The following DAB1 variants were observed in gnomAD, a reference collection of about 807,000 sequenced individuals.
DAB1 encodes DAB adaptor protein 1, also known as disabled homolog 1.
DAB1 carries 15 observed loss-of-function variants against 64.6 expected under a neutral mutation model. That is an observed-to-expected ratio of 0.23 (90% CI 0.16 to 0.36). DAB1 has a LOEUF of 0.36. DAB1 is among the 10% of genes least tolerant of loss of function. The pLI is 1.00. For missense variants in DAB1, 596 were observed against 706.7 expected (o/e 0.84, Z 1.78); for synonymous variants, 235 against 251.9 (o/e 0.93, Z 0.64).
chr1:57,441,552 C>T (rs1196891959), intron 7 of DAB1, among the ~76,000 whole-genome samples: 1 of 151,918 alleles, frequency 6.6e-6, no homozygotes, highest in African/African-American at 2.4e-5. Context: ...CGGGGCTTTT[C>T]CATGTTGTCC....
At chr1:57,251,184 C>T (rs537528397) in intron 2 of DAB1, among the ~76,000 whole-genome samples, 7 of 152,240 alleles carry the variant, frequency 4.6e-5, no homozygotes, top group Non-Finnish European at 1.0e-4. Context: ...TGTGAATGAC[C>T]GTCCTTGAAT....
Position 58,260,209 on chromosome 1 carries a change from C to T in DAB1, n.309+83143G>A, listed in dbSNP as rs563335627. 4.2e-4 allele frequency among the ~76,000 whole-genome samples: 64 copies of T among 152,228 alleles called. 2 individuals carry two copies. The South Asian group carries it at 0.013, about 30-fold the overall frequency. ...ACTAATCATTGTTGGGCTCGTATGT[C>T]CCCCCACCAGAAGGTGGTTTCAGAG... On this transcript the variant is annotated intron_variant and non_coding_transcript_variant, in intron 4 of 20. Coordinates refer to the DAB1 transcript ENST00000485760.
At chr1:57,770,247 G>C (rs533431374) in intron 6 of DAB1, among the ~76,000 whole-genome samples, 20 of 152,142 alleles carry the variant, frequency 1.3e-4, no homozygotes, top group African/African-American at 4.8e-4. Context: ...GATTAAATGA[G>C]ATAATAATAA....
At chr1:58,080,064 G>A (rs1649903011) in intron 5 of DAB1, 1 of 152,146 alleles carries the variant, frequency 6.6e-6, no homozygotes, top group Non-Finnish European at 1.5e-5. Flanking sequence ...ATGTAAATGT[G>A]GCTTAGCCAA....
chr1:57,637,631 G>C (rs1646073185), intron 7 of DAB1, among the ~76,000 whole-genome samples: 1 of 152,172 alleles, frequency 6.6e-6, no homozygotes, highest in Non-Finnish European at 1.5e-5. Context: ...ACTTAGACAA[G>C]GGCCAGGGTA....
intron 4 of DAB1, among the ~76,000 whole-genome samples, chr1:58,319,154 A>G (rs1359587548): frequency 6.6e-6 from 1 of 152,164 alleles, no homozygotes; most frequent in Non-Finnish European, 1.5e-5. Context: ...GGGCAGGGAA[A>G]GAAATGGCAC....
chr1:57,149,641 A>C (rs1454207926), intron 2 of DAB1, among the ~76,000 whole-genome samples: 1 of 152,114 alleles, frequency 6.6e-6, no homozygotes, highest in African/African-American at 2.4e-5. Context: ...TCTTTGGAGA[A>C]ATATCTATTC....
intron 4 of DAB1, among the ~76,000 whole-genome samples, chr1:57,116,952 T>C (rs1288607345): frequency 1.3e-5 from 2 of 152,172 alleles, no homozygotes; most frequent in Non-Finnish European, 2.9e-5. Flanking sequence ...AGATCTTAGT[T>C]ACTTCATCCC....
intron 7 of DAB1, among the ~76,000 whole-genome samples, chr1:57,621,777 C>T (rs1429159792): frequency 6.6e-6 from 1 of 152,206 alleles, no homozygotes; most frequent in Non-Finnish European, 1.5e-5. Flanking sequence ...ATGCTTCCCT[C>T]ATTTGTATGG....
intron 7 of DAB1, among the ~76,000 whole-genome samples, chr1:57,464,364 C>T (rs936301986): frequency 6.6e-6 from 1 of 152,164 alleles, no homozygotes; most frequent in Non-Finnish European, 1.5e-5. Context: ...TAACTCCCAC[C>T]TATCCATCCA....
At chr1:57,823,300 G>T (rs77225797), downstream of DAB1, among the ~76,000 whole-genome samples, 3,759 of 151,904 alleles carry the variant, frequency 0.025, 82 homozygotes, top group Non-Finnish European at 0.039. Context: ...TTTTTAAAAA[G>T]AAAAGAAAAG....
intron 9 of DAB1, among the ~76,000 whole-genome samples, chr1:57,059,537 C>T (rs1650169307): frequency 6.6e-6 from 1 of 151,954 alleles, no homozygotes; most frequent in African/African-American, 2.4e-5. Context: ...CAGTGAGAGG[C>T]AAGGATTTTC....
At chr1:58,256,869 T>C (rs1055592935) in intron 4 of DAB1, among the ~76,000 whole-genome samples, 2 of 152,236 alleles carry the variant, frequency 1.3e-5, no homozygotes, top group Non-Finnish European at 2.9e-5. Flanking sequence ...CTCCCCCACC[T>C]TTCTGAACTC....
chr1:57,122,236 G>A (rs1026102455), intron 4 of DAB1, among the ~76,000 whole-genome samples: 1 of 152,152 alleles, frequency 6.6e-6, no homozygotes, highest in African/African-American at 2.4e-5. Flanking sequence ...TGAAGCCTGT[G>A]GAGCAAGAGG....
chr1:57,845,158 C>T lies in DAB1; in HGVS notation n.88-18703G>A, dbSNP rs559190234. On this transcript the variant is annotated intron_variant and non_coding_transcript_variant, in intron 1 of 1. Coordinates refer to the DAB1 transcript ENST00000477280. ...CCCTTAGAAAACCTCTAAGTTAAAT[C>T]TGAATGAGGAATCCACTTACATGTG... is the stretch of plus-strand genomic sequence containing the variant. 2.4e-4 allele frequency among the ~76,000 whole-genome samples: 36 copies of T among 152,244 alleles called. 1 individual carries two copies. The South Asian group carries it at 7.5e-3, about 32-fold the overall frequency.
intron 5 of DAB1, among the ~76,000 whole-genome samples, chr1:57,975,124 C>T (rs911903210): frequency 8.5e-5 from 13 of 152,192 alleles, no homozygotes; most frequent in African/African-American, 3.1e-4. Flanking sequence ...AGGATTAGTG[C>T]CTTTACCTTT....
chr1:57,973,819 C>A (rs1645855478), intron 5 of DAB1, among the ~76,000 whole-genome samples: 1 of 152,158 alleles, frequency 6.6e-6, no homozygotes, highest in Non-Finnish European at 1.5e-5. Context: ...CAAGCAGTCT[C>A]TGTCACCATC....
chr1:57,489,691 A>T (rs1644138366), intron 7 of DAB1, among the ~76,000 whole-genome samples: 1 of 152,186 alleles, frequency 6.6e-6, no homozygotes, highest in African/African-American at 2.4e-5. Context: ...GCTGAATGAA[A>T]CATAATTGTG....
intron 3 of DAB1, among the ~76,000 whole-genome samples, chr1:58,505,470 AGAG>A (rs1645973318): frequency 6.6e-6 from 1 of 152,178 alleles, no homozygotes; most frequent in Admixed American, 6.5e-5. Context: ...AAAGATTTTC[AGAG>A]GATACTGAAA....
Sources: gnomAD v4.1 joint callset for allele counts (sites outside exome capture counted in the v4.1 genomes callset) on GRCh38, gnomAD v4.1.1 for gene constraint, MANE v1.5 for transcripts, NCBI Gene and HGNC (gene_info 2026-07-23, HGNC 2026-07-21) for gene names.